The following ANOS1 variants were observed in gnomAD, a reference collection of about 807,000 sequenced individuals.
The protein encoded by ANOS1 is anosmin-1.
ANOS1 carries 6 observed loss-of-function variants against 59.0 expected under a neutral mutation model. The observed-to-expected ratio is 0.10, with a 90% CI of 0.06 to 0.20. The LOEUF is 0.20. Among genes scored for constraint, ANOS1 ranks in the 10% least tolerant of loss-of-function variants. The pLI is 1.00. For missense variants in ANOS1, 433 were observed against 542.3 expected (o/e 0.80, Z 2.00); for synonymous variants, 217 against 223.4 (o/e 0.97, Z 0.25).
intron 9 of ANOS1, among the ~76,000 whole-genome samples, chrX:8,543,595 G>A (rs1396131204): frequency 9.1e-6 from 1 of 110,483 alleles, no homozygotes; most frequent in Non-Finnish European, 1.9e-5. Context: ...CGGGCGTGGT[G>A]GCTCATGCCT....
intron 2 of ANOS1, among the ~76,000 whole-genome samples, chrX:8,643,433 A>G (rs1162707636): frequency 9.0e-6 from 1 of 111,275 alleles, no homozygotes; most frequent in African/African-American, 3.3e-5. Context: ...CCAAATTCCT[A>G]TCTAAGGGGT....
chrX:8,726,303 G>A (rs1932919741), intron 1 of ANOS1, among the ~76,000 whole-genome samples: 1 of 111,551 alleles, frequency 9.0e-6, no homozygotes, highest in African/African-American at 3.3e-5. Flanking sequence ...GCTAGGAAGA[G>A]CCTCTGATCT....
intron 1 of ANOS1, among the ~76,000 whole-genome samples, chrX:8,706,492 G>C (rs1321296358): frequency 8.9e-6 from 1 of 112,077 alleles, no homozygotes; most frequent in Non-Finnish European, 1.9e-5. Flanking sequence ...TTATATATTT[G>C]TCCAAACCCA....
intron 9 of ANOS1, among the ~76,000 whole-genome samples, chrX:8,548,900 CACTA>C (rs1306353526): frequency 8.9e-6 from 1 of 111,854 alleles, no homozygotes; most frequent in Admixed American, 9.5e-5. Flanking sequence ...ACAGTTTGAA[CACTA>C]ACTGACTGCG....
intron 8 of ANOS1, among the ~76,000 whole-genome samples, chrX:8,567,719 G>A (rs1348058491): frequency 2.7e-5 from 3 of 110,974 alleles, no homozygotes; most frequent in Admixed American, 9.6e-5. Flanking sequence ...GCTTGAACCC[G>A]GGAGGCAAAG....
intron 2 of ANOS1, among the ~76,000 whole-genome samples, chrX:8,669,060 G>A (rs1932212942): frequency 8.9e-6 from 1 of 112,261 alleles, no homozygotes; most frequent in Admixed American, 9.4e-5. Flanking sequence ...CTCAGTAATT[G>A]GAGATGTCTG....
At chrX:8,587,120 T>TTG (rs35501476) in intron 5 of ANOS1, among the ~76,000 whole-genome samples, 2 of 101,227 alleles carry the variant, frequency 2.0e-5, no homozygotes, top group Admixed American at 1.2e-4. Context: ...CATGTAGGGT[T>TTG]TGTGTGTGTG....
At chrX:8,657,390 G>A (rs1931949657) in intron 2 of ANOS1, among the ~76,000 whole-genome samples, 1 of 110,983 alleles carries the variant, frequency 9.0e-6, no homozygotes, top group African/African-American at 3.3e-5. Context: ...GAAACCTGAG[G>A]GTGGTTTTGA....
intron 2 of ANOS1, among the ~76,000 whole-genome samples, chrX:8,682,370 A>T (rs1932439703): frequency 9.1e-6 from 1 of 110,393 alleles, no homozygotes; most frequent in African/African-American, 3.3e-5. Flanking sequence ...ACACACACAC[A>T]CACACACATA....
intron 2 of ANOS1, among the ~76,000 whole-genome samples, chrX:8,666,353 TAGAA>T (rs1932136006): frequency 9.0e-6 from 1 of 111,589 alleles, no homozygotes; most frequent in African/African-American, 3.3e-5. Flanking sequence ...ATAAAGGAAA[TAGAA>T]AGAGGTTAAG....
chrX:8,603,962 T>C (rs915512103), intron 3 of ANOS1, among the ~76,000 whole-genome samples: 3 of 111,782 alleles, frequency 2.7e-5, no homozygotes, highest in Non-Finnish European at 5.6e-5. Flanking sequence ...GCAGTGGCAG[T>C]TGGTCACCAA....
chrX:8,549,162 A>G (rs751473566), intron 9 of ANOS1, among the ~76,000 whole-genome samples: 1 of 112,342 alleles, frequency 8.9e-6, no homozygotes, highest in African/African-American at 3.2e-5. Context: ...TCTAATATTG[A>G]TTAATAAATA....
intron 1 of ANOS1, among the ~76,000 whole-genome samples, 160 bp from the exon 2 acceptor site, chrX:8,699,905 A>C (rs1405223775): frequency 8.9e-6 from 1 of 112,278 alleles, no homozygotes; most frequent in Non-Finnish European, 1.9e-5. Flanking sequence ...CAATGATAGA[A>C]AATGTGTTTG....
chrX:8,675,069 C>T (rs146085217), intron 2 of ANOS1, among the ~76,000 whole-genome samples: 258 of 111,204 alleles, frequency 2.3e-3, no homozygotes, highest in African/African-American at 8.1e-3. Context: ...ATCGAAAATG[C>T]ATTATGTGAG....
chrX:8,620,177 A>C (rs1399966345), intron 3 of ANOS1, among the ~76,000 whole-genome samples: 1 of 112,569 alleles, frequency 8.9e-6, no homozygotes, highest in Non-Finnish European at 1.9e-5. Flanking sequence ...TATAAGGGCC[A>C]TATAATGTTA....
chrX:8,545,028 T>G (rs1929745316), intron 9 of ANOS1, among the ~76,000 whole-genome samples: 2 of 88,831 alleles, frequency 2.3e-5, no homozygotes, highest in Admixed American at 1.5e-4. Flanking sequence ...ATTGCGACAT[T>G]GCACTCCAGC....
In ANOS1 at chrX:8,731,958, G is replaced by C. The variant is rs990367646; in HGVS notation, c.79C>G (p.Pro27Ala). The change falls in exon 1 of 14, where the codon CCC becomes GCC. Residue 27 changes from proline to alanine, a missense_variant. Transcript: ENST00000262648. The stretch of plus-strand genomic sequence containing the variant: ...AGCCGCCGCGCAGCAGCCGCGCCGG[G>C]GCCGGCCGCCAGGCAGCCGCTGGAG... Reference protein sequence around the residue: ...AASSGCLAAGPGAAAARRLDE... With the variant: ...AASSGCLAAGAGAAAARRLDE... 58 of 1,113,569 alleles carry C rather than the reference G, an allele frequency of 5.2e-5. No homozygotes were observed. The highest frequency in any genetic ancestry group is 6.4e-5 in the South Asian group (3 of 46,596). 91.8% of individuals were successfully genotyped at this position (1,113,569 alleles called of 1,213,427 possible).
chrX:8,729,712 T>TAAAAAAAAAAAAAAAAAAAAAAA (rs1173021674), intron 1 of ANOS1, among the ~76,000 whole-genome samples: 1 of 63,087 alleles, frequency 1.6e-5, no homozygotes, highest in African/African-American at 5.9e-5. Context: ...TTCTAATTAT[T>TAAAAAAAAAAAAAAAAAAAAAAA]AAAAAAAAAA....
chrX:8,640,371 C>G (rs990520048), intron 2 of ANOS1, among the ~76,000 whole-genome samples: 1 of 111,015 alleles, frequency 9.0e-6, no homozygotes, highest in Non-Finnish European at 1.9e-5. Flanking sequence ...ACCACCTTCA[C>G]AGTGGCAAGC....
Sources: gnomAD v4.1 joint callset for allele counts (sites outside exome capture counted in the v4.1 genomes callset) on GRCh38, gnomAD v4.1.1 for gene constraint, MANE v1.5 for transcripts, NCBI Gene and HGNC (gene_info 2026-07-23, HGNC 2026-07-21) for gene names.